PLEKHG7: variants seen among roughly 807,000 people sequenced by gnomAD.
PLEKHG7 encodes pleckstrin homology and RhoGEF domain containing G7, also known as pleckstrin homology domain-containing family G member 7.
A neutral mutation model predicts 85.2 loss-of-function variants in PLEKHG7; 77 were observed. That is an observed-to-expected ratio of 0.90 (90% confidence interval 0.75 to 1.09). The LOEUF is 1.09. Ranked by LOEUF, PLEKHG7 falls within the 50% of genes least tolerant of loss-of-function variation. The pLI, the probability that PLEKHG7 is intolerant of heterozygous loss-of-function variation, is 0.00. For missense variants in PLEKHG7, 777 were observed against 804.3 expected, an observed-to-expected ratio of 0.97 and a Z score of 0.41; for synonymous variants, 301 against 302.4, an observed-to-expected ratio of 1.00 and a Z score of 0.05.
chr12:92,752,383 C>G (rs151181992), intron 10 of PLEKHG7, among the ~76,000 whole-genome samples: 4 of 152,178 alleles, frequency 2.6e-5, no homozygotes, highest in African/African-American at 9.6e-5. Context: ...AGGGAAGAAA[C>G]AGTATACATG....
intron 5 of PLEKHG7, among the ~76,000 whole-genome samples, chr12:92,733,119 C>T (rs1872040189): frequency 2.0e-5 from 3 of 152,152 alleles, no homozygotes; most frequent in South Asian, 2.1e-4. Flanking sequence ...TAAGTCCCAT[C>T]GCTAAATAAA....
At position 92,729,008 on chromosome 12, in the gene PLEKHG7, G is replaced by A. The variant is rs1027480129; in HGVS notation, c.546G>A (p.Arg182=). 2 of 1,231,648 alleles carry A rather than the reference G, an allele frequency of 1.6e-6. No individual in the cohort carries two copies. The highest frequency in any genetic ancestry group is 3.1e-5 in the African/African-American group (2 of 64,332). The allele number at this position is 1,231,648 out of a possible 1,614,324, so 76.3% of individuals were successfully genotyped here. A position where few individuals can be genotyped will look rare whatever the true frequency, so the allele number is the denominator to read the frequency against. Residue 182 remains arginine, a synonymous_variant, in exon 4 of 17, where the codon AGG becomes AGA. Coordinates refer to ENST00000344636, the MANE Select transcript of PLEKHG7 (RefSeq NM_001377329.1). ...ELHPSRFYEH[R]RSSVVLNLPG... ...TTGAGCACAGGTTCTACGAGCACAG[G>A]CGGAGTTCTGTGGTGCTGAACTTAC...
At chr12:92,761,484 C>G (rs1315531337) in intron 13 of PLEKHG7, among the ~76,000 whole-genome samples, 2 of 151,352 alleles carry the variant, frequency 1.3e-5, no homozygotes, top group Non-Finnish European at 2.9e-5. Flanking sequence ...ATTGGAGCCC[C>G]TGGGGTGCCG....
intron 3 of PLEKHG7, among the ~76,000 whole-genome samples, chr12:92,724,237 C>A (rs188263489): frequency 1.4e-3 from 209 of 152,234 alleles, no homozygotes; most frequent in Non-Finnish European, 2.1e-3. Context: ...ATCCCAGTGT[C>A]CTGTATGCAA....
At chr12:92,745,811 C>T (rs1872519895) in intron 10 of PLEKHG7, among the ~76,000 whole-genome samples, 1 of 152,022 alleles carries the variant, frequency 6.6e-6, no homozygotes. Context: ...ATCTAATATC[C>T]CTCCTGAAAT....
intron 3 of PLEKHG7, among the ~76,000 whole-genome samples, chr12:92,722,007 C>A (rs1349812495): frequency 4.0e-5 from 6 of 151,854 alleles, no homozygotes; most frequent in Non-Finnish European, 4.4e-5. Context: ...ACAGTGATTG[C>A]TTCCAGTGGA....
intron 4 of PLEKHG7, among the ~76,000 whole-genome samples, chr12:92,729,590 C>G (rs1209069982): frequency 6.6e-6 from 1 of 151,900 alleles, no homozygotes; most frequent in Non-Finnish European, 1.5e-5. Flanking sequence ...AGACAGGCAG[C>G]TTTAGGGATA....
At chr12:92,731,102 T>C (rs1871980656) in intron 4 of PLEKHG7, among the ~76,000 whole-genome samples, 1 of 152,208 alleles carries the variant, frequency 6.6e-6, no homozygotes, top group African/African-American at 2.4e-5. Flanking sequence ...TCTGAATATT[T>C]ACAAAGCTTT....
chr12:92,723,333 G>T (rs1871697280), intron 3 of PLEKHG7, among the ~76,000 whole-genome samples: 1 of 152,126 alleles, frequency 6.6e-6, no homozygotes, highest in Non-Finnish European at 1.5e-5. Flanking sequence ...AGGAAAATAT[G>T]ACATGAATCT....
chr12:92,732,303 T>C, intron 5 of PLEKHG7, 30 bp downstream of exon 5: 1 of 1,201,970 alleles, frequency 8.3e-7, no homozygotes, highest in Non-Finnish European at 1.0e-6. Context: ...ATTTTTGTTT[T>C]AATTAAGCTT....
intron 3 of PLEKHG7, among the ~76,000 whole-genome samples, chr12:92,722,563 T>G (rs950505337): frequency 5.5e-4 from 83 of 152,158 alleles, no homozygotes; most frequent in African/African-American, 1.9e-3. Flanking sequence ...GCCGGTTATC[T>G]TCTCCCTGCT....
At chr12:92,750,248 G>A (rs957525053) in intron 10 of PLEKHG7, among the ~76,000 whole-genome samples, 7 of 151,772 alleles carry the variant, frequency 4.6e-5, no homozygotes, top group Non-Finnish European at 7.4e-5. Flanking sequence ...TCAATAAAAA[G>A]GCCTTTTATG....
At chr12:92,746,093 AAAG>A (rs1342663516) in intron 10 of PLEKHG7, among the ~76,000 whole-genome samples, 2 of 152,322 alleles carry the variant, frequency 1.3e-5, no homozygotes, top group East Asian at 3.9e-4. Context: ...CACAGCATTA[AAAG>A]AAGAATTTTC....
chr12:92,750,582 G>T (rs1470150319), intron 10 of PLEKHG7, among the ~76,000 whole-genome samples: 2 of 152,206 alleles, frequency 1.3e-5, no homozygotes, highest in Non-Finnish European at 2.9e-5. Flanking sequence ...CTGGGGCAGT[G>T]AGTTTTTTGG....
chr12:92,747,859 TAGAG>T (rs1477040953), intron 10 of PLEKHG7, among the ~76,000 whole-genome samples: 1 of 152,040 alleles, frequency 6.6e-6, no homozygotes, highest in Non-Finnish European at 1.5e-5. Context: ...CTCATGGAGA[TAGAG>T]AGTAGGATGA....
At chr12:92,715,494 A>G (rs568594455) in intron 3 of PLEKHG7, among the ~76,000 whole-genome samples, 1 of 152,202 alleles carries the variant, frequency 6.6e-6, no homozygotes, top group East Asian at 1.9e-4. Flanking sequence ...AACAAAAACA[A>G]AAACAAAAAC....
intron 3 of PLEKHG7, among the ~76,000 whole-genome samples, chr12:92,720,162 C>G (rs866418635): frequency 2.9e-4 from 44 of 152,140 alleles, no homozygotes; most frequent in African/African-American, 1.0e-3. Flanking sequence ...TCTGAAATCA[C>G]AGTTTGGGCA....
chr12:92,736,401 A>T, intron 5 of PLEKHG7, 81 bp from the exon 6 acceptor site: 2 of 869,782 alleles, frequency 2.3e-6, no homozygotes, highest in Admixed American at 8.6e-5. Flanking sequence ...TAGGGAATGA[A>T]CGAAAGATGC....
chr12:92,752,988 A>G (rs1872732103), intron 10 of PLEKHG7, among the ~76,000 whole-genome samples: 1 of 152,170 alleles, frequency 6.6e-6, no homozygotes, highest in Non-Finnish European at 1.5e-5. Flanking sequence ...AGAGGGCTCC[A>G]TGCTCATGGC....
Sources: gnomAD v4.1 joint callset for allele counts (sites outside exome capture counted in the v4.1 genomes callset) on GRCh38, gnomAD v4.1.1 for gene constraint, MANE v1.5 for transcripts, NCBI Gene and HGNC (gene_info 2026-07-23, HGNC 2026-07-21) for gene names.